The following DCAF1 variants were observed in gnomAD, a reference collection of about 807,000 sequenced individuals.
The protein encoded by DCAF1 is DDB1 and CUL4 associated factor 1.
Under a neutral mutation model 128.0 loss-of-function variants are expected in DCAF1, and 15 were observed. The observed-to-expected ratio is 0.12, with a 90% CI of 0.08 to 0.18. The LOEUF is 0.18. Ranked by LOEUF, DCAF1 falls within the 10% of genes least tolerant of loss-of-function variation. The probability of loss-of-function intolerance (pLI) is 1.00; values close to 1 mark genes in which losing one functional copy is unlikely to be tolerated. For missense variants in DCAF1, 988 were observed against 1,649.5 expected (o/e 0.60, Z 6.95); for synonymous variants, 610 against 603.0 (o/e 1.01, Z -0.17).
intron 9 of DCAF1, 103 bp from the exon 10 acceptor site, chr3:51,433,367 G>A (rs1158140017): frequency 1.0e-5 from 4 of 396,622 alleles, no homozygotes; most frequent in Non-Finnish European, 1.8e-5. Context: ...GCCCTCTAAG[G>A]AGACAACCAA....
intron 1 of DCAF1, among the ~76,000 whole-genome samples, chr3:51,497,734 T>C (rs993395929): frequency 6.6e-6 from 1 of 152,078 alleles, no homozygotes; most frequent in South Asian, 2.1e-4. Context: ...TATTTAAAAA[T>C]TAGCCAATCA....
At chr3:51,481,358 A>G (rs1553652789) in intron 3 of DCAF1, among the ~76,000 whole-genome samples, 4 of 152,172 alleles carry the variant, frequency 2.6e-5, no homozygotes, top group Non-Finnish European at 5.9e-5. Flanking sequence ...GGGTAAACTT[A>G]TAAGGCACAC....
chr3:51,418,103 A>G lies in DCAF1; in HGVS notation c.3518+13T>C. 1 of 1,607,698 alleles carries G rather than the reference A, an allele frequency of 6.2e-7. No homozygotes were observed. Among genetic ancestry groups the G allele is most frequent in the South Asian group, 1.1e-5 (1 of 89,392 alleles). On this transcript the variant is annotated intron_variant, in intron 17 of 24. Coordinates refer to ENST00000684031, the MANE Select transcript of DCAF1 (RefSeq NM_001387579.1). ...AATAAAGCACAGACTAGGTTCCAAA[A>G]GCAGATACATACTTCATATCAAATA...
intron 13 of DCAF1, among the ~76,000 whole-genome samples, chr3:51,423,370 C>T (rs111503627): frequency 0.98 from 148,966 of 152,008 alleles, 73,069 homozygotes; most frequent in Middle Eastern, 1. Flanking sequence ...GGCTTAGTGG[C>T]GGGCGCCTGT....
At chr3:51,437,878 C>G (rs759039774) in intron 9 of DCAF1, among the ~76,000 whole-genome samples, 1 of 150,940 alleles carries the variant, frequency 6.6e-6, no homozygotes, top group Non-Finnish European at 1.5e-5. Context: ...CTAGTCACTA[C>G]GCCAGAAAAA....
intron 23 of DCAF1, among the ~76,000 whole-genome samples, chr3:51,411,913 C>T (rs1698456691): frequency 6.6e-6 from 1 of 151,874 alleles, no homozygotes. Context: ...AGGTTCGAGA[C>T]CAGCCTGGCC....
chr3:51,483,789 G>C lies in DCAF1; in HGVS notation c.40C>G (p.Leu14Val). The C allele has an allele frequency of 1.2e-6, 2 of 1,613,882 alleles. No individual in the cohort carries two copies. The highest frequency in any genetic ancestry group is 1.7e-6 in the Non-Finnish European group (2 of 1,179,862). ...VVVHVDSKAE[L>V]TTLLEQWEKE... ...TCCCACTGCTCCAGCAGGGTAGTGA[G>C]CTCAGCTTTGGAGTCCACATGTACC... is the stretch of plus-strand genomic sequence containing the variant. Residue 14 changes from leucine to valine, a missense_variant, in exon 3 of 25, where the codon CTC becomes GTC. By Grantham distance (32) the Leu-to-Val change is conservative (BLOSUM62 1). Coordinates refer to ENST00000684031, the MANE Select transcript of DCAF1 (RefSeq NM_001387579.1).
chr3:51,463,971 C>T lies in DCAF1; in HGVS notation c.262-744G>A, dbSNP rs577988397. Among the ~76,000 whole-genome samples the T allele has an allele frequency of 5.9e-5, 9 of 152,220 alleles. No individual in the cohort carries two copies. The South Asian group carries it at 1.7e-3, about 28-fold the overall frequency. ...CCAGTCTCAAGTGATCCTCCAGCTT[C>T]AGCCTCCCAAGTAGCTGGGACCACA... On this transcript the variant is annotated intron_variant, in intron 5 of 24. Coordinates refer to ENST00000684031, the MANE Select transcript of DCAF1 (RefSeq NM_001387579.1).
At chr3:51,476,693 C>T (rs1261913147) in intron 3 of DCAF1, among the ~76,000 whole-genome samples, 4 of 150,834 alleles carry the variant, frequency 2.7e-5, no homozygotes, top group African/African-American at 9.8e-5. Flanking sequence ...CTGGCTAACA[C>T]GGTGAAACCC....
chr3:51,438,057 AT>A, intron 9 of DCAF1: 1 of 429,566 alleles, frequency 2.3e-6, no homozygotes, highest in Middle Eastern at 3.5e-4. Flanking sequence ...AATTTTACTT[AT>A]TACATATTCA....
chr3:51,400,844 CAG>C (rs576122682), intron 24 of DCAF1, among the ~76,000 whole-genome samples: 33 of 152,000 alleles, frequency 2.2e-4, no homozygotes, highest in Middle Eastern at 3.4e-3. Flanking sequence ...ATAAAGATCT[CAG>C]AATCAGGCCG....
At chr3:51,436,197 A>T (rs1700812669) in intron 9 of DCAF1, among the ~76,000 whole-genome samples, 1 of 152,248 alleles carries the variant, frequency 6.6e-6, no homozygotes, top group Admixed American at 6.5e-5. Flanking sequence ...TGCTCAGGGA[A>T]ATCAGAGATG....
rs1396200356 is a variant in DCAF1, at chr3:51,398,302, A to G, written c.*467T>C. ...GCCTCTATATTGTTCTTTAGACATC[A>G]TTTTCTTCCAAAGAAAATGAAGTGC... is the stretch of plus-strand genomic sequence containing the variant. On this transcript the variant is annotated 3_prime_UTR_variant, in exon 25 of 25. Transcript: ENST00000684031. 2.6e-5 allele frequency: 4 copies of G among 152,740 alleles called. No individual in the cohort carries two copies. The highest frequency in any genetic ancestry group is 1.3e-4 in the Admixed American group (2 of 15,306). The allele number at this position is 152,740 out of a possible 1,614,324, so 9.5% of individuals were successfully genotyped here.
At chr3:51,434,912 C>T (rs1700681094) in intron 9 of DCAF1, among the ~76,000 whole-genome samples, 1 of 152,094 alleles carries the variant, frequency 6.6e-6, no homozygotes, top group Admixed American at 6.6e-5. Context: ...CTTGGGAAAG[C>T]TAGAGCTCCC....
chr3:51,494,651 A>C (rs1553659846), intron 2 of DCAF1, among the ~76,000 whole-genome samples: 1 of 152,164 alleles, frequency 6.6e-6, no homozygotes, highest in Non-Finnish European at 1.5e-5. Flanking sequence ...TGATTTTTTA[A>C]AAAACACTAC....
At chr3:51,497,363 T>C (rs1376172807) in intron 1 of DCAF1, among the ~76,000 whole-genome samples, 1 of 149,966 alleles carries the variant, frequency 6.7e-6, no homozygotes, top group Non-Finnish European at 1.5e-5. Context: ...GCCTAGGCGG[T>C]GGATCACGAG....
downstream of DCAF1, chr3:51,397,115 CCT>C (rs2089252415): frequency 6.0e-6 from 1 of 167,104 alleles, no homozygotes; most frequent in Admixed American, 6.5e-5. Context: ...AAATTTGTCC[CCT>C]CTTCTCTCTG....
Position 51,420,279 on chromosome 3 carries a change from G to A in DCAF1, c.2691C>T (p.Val897=), listed in dbSNP as rs782193462. The A allele has an allele frequency of 3.7e-5, 60 of 1,614,044 alleles. No individual in the cohort carries two copies. In the Admixed American group the frequency reaches 9.3e-4, roughly 25 times the overall value. ...CGATACGAGGGGTTCGGGGTAGAGA[G>A]ACAGGAGAAGCAGCAGCAGTGACTG... ...FTPVTAAASP[V]SLPRTPRIAN... The change falls in exon 15 of 25, where the codon GTC becomes GTT. Residue 897 remains valine (V), a synonymous_variant. Coordinates refer to ENST00000684031, the MANE Select transcript of DCAF1 (RefSeq NM_001387579.1). The surrounding 1 kb of genome is among the most constrained non-coding windows in gnomAD (Gnocchi z 6.5).
chr3:51,451,678 C>T (rs1702367827), intron 6 of DCAF1, among the ~76,000 whole-genome samples: 1 of 151,534 alleles, frequency 6.6e-6, no homozygotes, highest in South Asian at 2.1e-4. Flanking sequence ...AGGAGACTCC[C>T]TTGAACCTGG....
Sources: gnomAD v4.1 joint callset for allele counts (sites outside exome capture counted in the v4.1 genomes callset) on GRCh38, gnomAD v4.1.1 for gene constraint, Gnocchi (gnomAD v3.1) non-coding constraint, MANE v1.5 for transcripts, NCBI Gene and HGNC (gene_info 2026-07-23, HGNC 2026-07-21) for gene names.